MITD1: variants seen among roughly 807,000 people sequenced by gnomAD.
MITD1 encodes the protein MIT domain-containing protein 1.
A neutral mutation model predicts 34.9 loss-of-function variants in MITD1; 24 were observed. The observed-to-expected ratio is 0.69, with a 90% CI of 0.50 to 0.97. MITD1 has a LOEUF of 0.97. Ranked by LOEUF, MITD1 falls within the 50% of genes least tolerant of loss-of-function variation. The pLI, the probability that MITD1 is intolerant of heterozygous loss-of-function variation, is 0.00. For missense variants in MITD1, 266 were observed against 294.6 expected (o/e 0.90, Z 0.71); for synonymous variants, 102 against 101.4 (o/e 1.01, Z -0.04).
At chr2:99,161,749 C>G (rs574383900), downstream of MITD1, 2 of 464,072 alleles carry the variant, frequency 4.3e-6, no homozygotes, top group African/African-American at 4.0e-5. Flanking sequence ...ATTATTTCAA[C>G]TGAAATTATT....
At chr2:99,172,336 G>A (rs373586808) in intron 2 of MITD1, 2 of 150,470 alleles carry the variant, frequency 1.3e-5, no homozygotes. Context: ...AGTGAGCTGA[G>A]ATCATGCCAC....
chr2:99,173,821 C>G, intron 2 of MITD1, 94 bp downstream of exon 2: 1 of 784,484 alleles, frequency 1.3e-6, no homozygotes, highest in Non-Finnish European at 2.2e-6. Context: ...CTGGTCCAGA[C>G]CACACAGAGC....
chr2:99,165,019 TAC>T (rs56958044), downstream of MITD1, among the ~76,000 whole-genome samples: 11,417 of 136,454 alleles, frequency 0.084, 589 homozygotes, highest in African/African-American at 0.16. Context: ...CAAAATGGCA[TAC>T]ACACACACAC....
At chr2:99,174,870 C>T (rs2093878331) in intron 1 of MITD1, among the ~76,000 whole-genome samples, 1 of 152,088 alleles carries the variant, frequency 6.6e-6, no homozygotes, top group Admixed American at 6.5e-5. Flanking sequence ...GGATTACAGG[C>T]GTGAGCCACC....
At chr2:99,172,968 A>G (rs2093867027) in intron 2 of MITD1, 1 of 152,272 alleles carries the variant, frequency 6.6e-6, no homozygotes, top group African/African-American at 2.4e-5. Flanking sequence ...TCTGTTCCAA[A>G]TATTTCCACA....
chr2:99,172,302 C>A (rs921505983), intron 2 of MITD1: 2 of 151,414 alleles, frequency 1.3e-5, no homozygotes, highest in African/African-American at 2.4e-5. Flanking sequence ...GCAGGAGAAT[C>A]ACTTGAACCC....
Position 99,171,578 on chromosome 2 carries a change from G to T in MITD1, c.322C>A (p.Arg108Ser), listed in dbSNP as rs570556878. ...ATGFSYESLF[R>S]EYLNETVTEV... ...GTAACTGTCTCATTAAGGTATTCGCGAAAAAGTGACTCATAACTGAAACCT... is the reference window on the plus strand; with the variant it reads ...GTAACTGTCTCATTAAGGTATTCGCTAAAAAGTGACTCATAACTGAAACCT... Residue 108 changes from arginine (R) to serine (S), a missense_variant, in exon 3 of 7, where the codon CGC becomes AGC. Arg to Ser is a moderately radical substitution (Grantham distance 110). Transcript: ENST00000289359. The T allele has an allele frequency of 1.2e-6, 2 of 1,612,452 alleles. No individual in the cohort carries two copies. Among genetic ancestry groups the T allele is most frequent in the African/African-American group, 2.7e-5 (2 of 74,946 alleles).
intron 1 of MITD1, among the ~76,000 whole-genome samples, 179 bp from the exon 2 acceptor site, chr2:99,174,195 T>C (rs1267184505): frequency 6.6e-6 from 1 of 152,194 alleles, no homozygotes; most frequent in Non-Finnish European, 1.5e-5. Flanking sequence ...CCTTCATATT[T>C]ACACGAAGCG....
At chr2:99,163,226 C>T (rs930171349) in intron 7 of MITD1, 3 of 491,686 alleles carry the variant, frequency 6.1e-6, no homozygotes, top group Non-Finnish European at 1.0e-5. Flanking sequence ...TCAGTAACTT[C>T]TCCCCATCTG....
chr2:99,165,549 T>A (rs976805411), downstream of MITD1, among the ~76,000 whole-genome samples: 2 of 152,226 alleles, frequency 1.3e-5, no homozygotes, highest in African/African-American at 4.8e-5. Flanking sequence ...ATTTGAGGGC[T>A]GACCGCATAT....
intron 2 of MITD1, 100 bp from the exon 3 acceptor site, chr2:99,171,746 AT>A (rs1357452890): frequency 5.1e-6 from 6 of 1,172,510 alleles, no homozygotes; most frequent in African/African-American, 1.6e-5. Flanking sequence ...ATACATATTA[AT>A]TTTTTTAACT....
chr2:99,166,710 ACT>A (rs1184021137), downstream of MITD1, among the ~76,000 whole-genome samples: 7 of 151,198 alleles, frequency 4.6e-5, no homozygotes, highest in East Asian at 1.2e-3. Flanking sequence ...AGGAATACTG[ACT>A]CTAATTTTAT....
At chr2:99,169,671 T>C (rs2093844786) in intron 5 of MITD1, 61 bp from the exon 6 acceptor site, 1 of 1,397,430 alleles carries the variant, frequency 7.2e-7, no homozygotes, top group Non-Finnish European at 1.0e-6. Flanking sequence ...TTAATAAAGC[T>C]GTAGTGTATT....
At chr2:99,170,164 T>C (rs2093847701) in intron 5 of MITD1, among the ~76,000 whole-genome samples, 1 of 152,226 alleles carries the variant, frequency 6.6e-6, no homozygotes, top group African/African-American at 2.4e-5. Context: ...GAATATTTAA[T>C]AACCCCTAAG....
chr2:99,175,998 T>G (rs1442747034), intron 1 of MITD1, among the ~76,000 whole-genome samples: 1 of 151,942 alleles, frequency 6.6e-6, no homozygotes, highest in Non-Finnish European at 1.5e-5. Flanking sequence ...TGGAGTGCAG[T>G]GACATGATCT....
chr2:99,163,754 G>A (rs368065393), intron 7 of MITD1, among the ~76,000 whole-genome samples: 2 of 151,792 alleles, frequency 1.3e-5, no homozygotes, highest in Admixed American at 6.6e-5. Flanking sequence ...CTTATCTCTC[G>A]GAGATATAAC....
At chr2:99,163,183 AAAAAAAAAC>A (rs1201865599) in intron 7 of MITD1, 1 of 591,656 alleles carries the variant, frequency 1.7e-6, no homozygotes, top group Non-Finnish European at 2.7e-6. Context: ...TAACGTCAAA[AAAAAAAAAC>A]AAAACACAAC....
intron 2 of MITD1, chr2:99,173,186 G>A (rs2093867982): frequency 5.3e-6 from 1 of 187,346 alleles, no homozygotes; most frequent in African/African-American, 2.3e-5. Flanking sequence ...GGGGTCCCCA[G>A]GGTATGTACT....
downstream of MITD1, among the ~76,000 whole-genome samples, chr2:99,168,978 T>TTTTTTTTTTTTG (rs70940146): frequency 1.2e-4 from 12 of 103,028 alleles, 1 homozygote; most frequent in South Asian, 3.4e-4. Flanking sequence ...TTTTTTTTTT[T>TTTTTTTTTTTTG]CTGATACAGG....
Sources: gnomAD v4.1 joint callset for allele counts (sites outside exome capture counted in the v4.1 genomes callset) on GRCh38, gnomAD v4.1.1 for gene constraint, MANE v1.5 for transcripts, NCBI Gene and HGNC (gene_info 2026-07-23, HGNC 2026-07-21) for gene names.